Variants in DPP10 observed in about 807,000 individuals in gnomAD.
DPP10 encodes the protein inactive dipeptidyl peptidase 10.
Under a neutral mutation model 120.9 loss-of-function variants are expected in DPP10, and 33 were observed. The ratio of observed to expected loss-of-function variants is 0.27; its 90% confidence interval spans 0.21 to 0.37. The LOEUF (loss-of-function observed/expected upper bound fraction) is 0.37, where lower values mean the gene tolerates loss of function less well. Ranked by LOEUF, DPP10 falls within the 10% of genes least tolerant of loss-of-function variation. The pLI, the probability that DPP10 is intolerant of heterozygous loss-of-function variation, is 1.00. For missense variants in DPP10, 816 were observed against 942.8 expected (o/e 0.87, Z 1.76); for synonymous variants, 337 against 326.1 (o/e 1.03, Z -0.36).
chr2:115,470,927 C>G (rs966418793), intron 3 of DPP10, among the ~76,000 whole-genome samples: 1 of 152,276 alleles, frequency 6.6e-6, no homozygotes, highest in Admixed American at 6.5e-5. Flanking sequence ...CTATCTGCAG[C>G]TCTTGGACAA....
chr2:115,301,524 A>G (rs1242673087), intron 1 of DPP10, among the ~76,000 whole-genome samples: 2 of 150,174 alleles, frequency 1.3e-5, no homozygotes, highest in African/African-American at 2.5e-5. Context: ...CGCAAGCACA[A>G]GCAATAATGC....
At chr2:114,769,164 A>G (rs913929720) in intron 1 of DPP10, among the ~76,000 whole-genome samples, 10 of 152,178 alleles carry the variant, frequency 6.6e-5, no homozygotes, top group Non-Finnish European at 7.3e-5. Context: ...TGAAGGAATC[A>G]CCTGAAGAGG....
chr2:115,129,475 C>T (rs1268687139), intron 1 of DPP10, among the ~76,000 whole-genome samples: 3 of 152,054 alleles, frequency 2.0e-5, no homozygotes, highest in Non-Finnish European at 4.4e-5. Flanking sequence ...TATTATGATT[C>T]CCTTAAGTTT....
At chr2:114,934,701 A>C (rs907838558) in intron 1 of DPP10, among the ~76,000 whole-genome samples, 1 of 152,050 alleles carries the variant, frequency 6.6e-6, no homozygotes, top group Admixed American at 6.6e-5. Context: ...ACCAAGACTG[A>C]TGCTGGATGA....
At chr2:114,905,471 T>G (rs1179081157) in intron 1 of DPP10, among the ~76,000 whole-genome samples, 3 of 152,216 alleles carry the variant, frequency 2.0e-5, no homozygotes, top group Non-Finnish European at 4.4e-5. Context: ...TTAGTTTATT[T>G]TATTGTATTT....
In DPP10 at chr2:115,732,714, AT is replaced by A. The variant is rs1271310331; in HGVS notation, c.697+4779del. Among the ~76,000 whole-genome samples the A allele has an allele frequency of 4.1e-4, 62 of 152,280 alleles. 1 individual carries two copies. Among genetic ancestry groups the A allele is most frequent in the Admixed American group, 1.2e-3 (19 of 15,290 alleles). ...TTTAATCTATTAAATAGGAAAAAAA[AT>A]GACTCACTTTCAAATATTTAAGCAT... On this transcript the variant is annotated intron_variant, in intron 8 of 25. Coordinates refer to ENST00000410059, the MANE Select transcript of DPP10 (RefSeq NM_020868.6).
At chr2:114,658,388 A>C (rs772697837) in intron 1 of DPP10, among the ~76,000 whole-genome samples, 2 of 152,212 alleles carry the variant, frequency 1.3e-5, no homozygotes, top group Non-Finnish European at 2.9e-5. Context: ...TTAATGAGAA[A>C]GAATAGTGGC....
chr2:115,202,985 T>C (rs1276990546), intron 1 of DPP10, among the ~76,000 whole-genome samples: 1 of 152,124 alleles, frequency 6.6e-6, no homozygotes, highest in East Asian at 1.9e-4. Context: ...ACAAAAAATC[T>C]TTTGGAGTTA....
intron 1 of DPP10, among the ~76,000 whole-genome samples, chr2:114,732,467 G>A (rs1170515185): frequency 6.6e-6 from 1 of 152,200 alleles, no homozygotes; most frequent in Non-Finnish European, 1.5e-5. Flanking sequence ...ACACTGTGTG[G>A]GGATTGGGGG....
chr2:115,546,363 T>G (rs147956098), intron 5 of DPP10, among the ~76,000 whole-genome samples: 7 of 152,294 alleles, frequency 4.6e-5, no homozygotes, highest in African/African-American at 1.4e-4. Context: ...TCCTTATGCA[T>G]ATTCTGCAGT....
chr2:115,445,248 G>A (rs1039531136), intron 3 of DPP10, among the ~76,000 whole-genome samples: 1 of 152,112 alleles, frequency 6.6e-6, no homozygotes, highest in Admixed American at 6.6e-5. Context: ...ATAGGAGTGT[G>A]AAAACAGACT....
At chr2:115,041,839 A>G (rs114968695) in intron 1 of DPP10, among the ~76,000 whole-genome samples, 53 of 152,292 alleles carry the variant, frequency 3.5e-4, no homozygotes, top group African/African-American at 1.3e-3. Flanking sequence ...GATTTAAGAA[A>G]GCATATTACA....
intron 5 of DPP10, among the ~76,000 whole-genome samples, chr2:115,622,829 CTT>C (rs765780452): frequency 2.3e-5 from 3 of 128,356 alleles, no homozygotes; most frequent in Non-Finnish European, 3.3e-5. Flanking sequence ...TTCGTTTATT[CTT>C]TTTTTTTTTT....
chr2:115,415,995 C>T (rs1312495885), intron 3 of DPP10, among the ~76,000 whole-genome samples: 1 of 151,152 alleles, frequency 6.6e-6, no homozygotes, highest in Non-Finnish European at 1.5e-5. Context: ...TGTAGAACTC[C>T]AAAAATAATC....
Position 115,000,784 on chromosome 2 carries a change from G to A in DPP10, c.61-308455G>A, listed in dbSNP as rs149646923. On this transcript the variant is annotated intron_variant, in intron 1 of 25. Coordinates refer to ENST00000410059, the MANE Select transcript of DPP10 (RefSeq NM_020868.6). ...TTAATTTCCTACCCATATGTTGAAC[G>A]TTCCTTAAGGCACTAAAAAAATCTC... Among the ~76,000 whole-genome samples, 853 of 152,140 alleles carry A rather than the reference G, an allele frequency of 5.6e-3. 9 individuals are homozygous for A. Among genetic ancestry groups the A allele is most frequent in the African/African-American group, 0.019 (803 of 41,492 alleles).
chr2:115,732,706 G>GA (rs897523739), intron 8 of DPP10, among the ~76,000 whole-genome samples: 12 of 151,762 alleles, frequency 7.9e-5, no homozygotes, highest in African/African-American at 2.4e-4. Flanking sequence ...TATTAAATAG[G>GA]AAAAAAAATG....
chr2:114,567,277 G>A (rs959674850), intron 1 of DPP10, among the ~76,000 whole-genome samples: 3 of 152,198 alleles, frequency 2.0e-5, no homozygotes, highest in African/African-American at 7.2e-5. Context: ...GAAGCTGTGA[G>A]TATGCTGTCT....
chr2:115,771,103 C>G lies in DPP10; in HGVS notation c.1221+2699C>G, dbSNP rs1023213979. ...ATTTATTTATTTTTTGAGACAGAGT[C>G]TCAGTTTGTTGCCCAGGCTAGAATG... On this transcript the variant is annotated intron_variant, in intron 13 of 25. Coordinates refer to ENST00000410059, the MANE Select transcript of DPP10 (RefSeq NM_020868.6). Among the ~76,000 whole-genome samples the G allele has an allele frequency of 3.3e-5, 5 of 151,662 alleles. No individual in the cohort carries two copies. The East Asian group carries it at 9.7e-4, about 29-fold the overall frequency.
intron 3 of DPP10, among the ~76,000 whole-genome samples, chr2:115,490,335 C>T (rs1309005707): frequency 6.6e-6 from 1 of 152,078 alleles, no homozygotes; most frequent in Admixed American, 6.6e-5. Flanking sequence ...TTTGTAAAAC[C>T]ATCAGACCTT....
Sources: allele counts gnomAD v4.1 joint callset (sites outside exome capture counted in the v4.1 genomes callset), GRCh38; gene constraint gnomAD v4.1.1; transcripts MANE v1.5; gene names NCBI Gene and HGNC (gene_info 2026-07-23, HGNC 2026-07-21).